The following R3HDM1 variants were observed in gnomAD, a reference collection of about 807,000 sequenced individuals.
The protein encoded by R3HDM1 is R3H domain containing 1.
A neutral mutation model predicts 141.1 loss-of-function variants in R3HDM1; 46 were observed. The observed-to-expected ratio is 0.33, with a 90% CI of 0.26 to 0.42. R3HDM1 has a LOEUF of 0.42. Ranked by LOEUF, R3HDM1 falls within the 10% of genes least tolerant of loss-of-function variation. The pLI, the probability that R3HDM1 is intolerant of heterozygous loss-of-function variation, is 1.00. For missense variants in R3HDM1, 1,184 were observed against 1,368.3 expected (o/e 0.87, Z 2.12); for synonymous variants, 435 against 472.9 (o/e 0.92, Z 1.04).
At chr2:135,721,552 CA>C (rs2076698479) in intron 24 of R3HDM1, 1 of 183,308 alleles carries the variant, frequency 5.5e-6, no homozygotes, top group Non-Finnish European at 1.2e-5. Flanking sequence ...TTATTTTGAA[CA>C]ATTAGAAAAC....
chr2:135,593,850 A>G (rs1054141112), intron 1 of R3HDM1, among the ~76,000 whole-genome samples: 2 of 152,070 alleles, frequency 1.3e-5, no homozygotes, highest in Non-Finnish European at 2.9e-5. Flanking sequence ...CCTCCCAAGT[A>G]GTGGGATTAC....
chr2:135,553,427 T>A, intron 1 of R3HDM1, among the ~76,000 whole-genome samples: 1 of 152,040 alleles, frequency 6.6e-6, no homozygotes, highest in East Asian at 1.9e-4. Context: ...AGATTAGCAA[T>A]AATAATGTTT....
At chr2:135,719,090 G>A (rs1269040958) in intron 24 of R3HDM1, among the ~76,000 whole-genome samples, 1 of 152,142 alleles carries the variant, frequency 6.6e-6, no homozygotes, top group Non-Finnish European at 1.5e-5. Context: ...AAAGGTTGCA[G>A]TGAGCCAAGA....
intron 18 of R3HDM1, among the ~76,000 whole-genome samples, chr2:135,653,284 A>C (rs933254622): frequency 1.3e-5 from 2 of 152,164 alleles, no homozygotes; most frequent in Admixed American, 6.5e-5. Flanking sequence ...TGAACCTGGC[A>C]CATGCAGCTT....
At chr2:135,667,076 T>C (rs1315372006) in intron 19 of R3HDM1, 1 of 892,624 alleles carries the variant, frequency 1.1e-6, no homozygotes, top group East Asian at 1.2e-4. Context: ...TCTGATTATT[T>C]CTGTGTTATT....
At chr2:135,579,468 G>T (rs1706254381) in intron 1 of R3HDM1, among the ~76,000 whole-genome samples, 1 of 151,976 alleles carries the variant, frequency 6.6e-6, no homozygotes, top group Non-Finnish European at 1.5e-5. Context: ...GATAAATATT[G>T]CATGCAAGAA....
rs116967496 is a variant in R3HDM1 at position 135,713,083 on chromosome 2, C to T, written c.2737-2467C>T. Among the ~76,000 whole-genome samples the T allele has an allele frequency of 3.0e-4, 45 of 151,896 alleles. 1 individual carries two copies. In the East Asian group the frequency reaches 8.5e-3, roughly 29 times the overall value. ...CAGGTGTGGTGGTATACACCTGTAG[C>T]GCTAGTTACTTGGGAGGCTGAACCA... On this transcript the variant is annotated intron_variant, in intron 23 of 26. Transcript: ENST00000683871.
At chr2:135,686,822 G>C (rs1267727238) in intron 21 of R3HDM1, among the ~76,000 whole-genome samples, 1 of 152,190 alleles carries the variant, frequency 6.6e-6, no homozygotes, top group East Asian at 1.9e-4. Flanking sequence ...TAACAATGTT[G>C]ATGAACCTTG....
intron 24 of R3HDM1, among the ~76,000 whole-genome samples, chr2:135,718,699 C>G (rs2076399847): frequency 6.6e-6 from 1 of 152,102 alleles, no homozygotes; most frequent in Non-Finnish European, 1.5e-5. Flanking sequence ...CCAGGCTAGT[C>G]TCGAACTCCT....
intron 1 of R3HDM1, among the ~76,000 whole-genome samples, chr2:135,571,330 T>G (rs1398114217): frequency 6.6e-6 from 1 of 152,086 alleles, no homozygotes; most frequent in Non-Finnish European, 1.5e-5. Context: ...AATTATTCAT[T>G]TATTTATTTT....
intron 1 of R3HDM1, among the ~76,000 whole-genome samples, chr2:135,548,291 T>G (rs1400917167): frequency 6.6e-6 from 1 of 152,236 alleles, no homozygotes; most frequent in Non-Finnish European, 1.5e-5. Context: ...TTGCTCTTTT[T>G]GCTTTCTGCC....
intron 7 of R3HDM1, among the ~76,000 whole-genome samples, chr2:135,625,379 A>C (rs1276706560): frequency 6.6e-6 from 1 of 152,134 alleles, no homozygotes; most frequent in Non-Finnish European, 1.5e-5. Context: ...TGGAAGGCAG[A>C]GGTTGCAGTG....
At chr2:135,598,244 C>T (rs1381716359) in intron 1 of R3HDM1, among the ~76,000 whole-genome samples, 1 of 152,050 alleles carries the variant, frequency 6.6e-6, no homozygotes, top group Non-Finnish European at 1.5e-5. Flanking sequence ...TCATCACAGG[C>T]GATAGGAGGA....
intron 1 of R3HDM1, among the ~76,000 whole-genome samples, chr2:135,561,824 T>C (rs1701859834): frequency 6.6e-6 from 1 of 152,152 alleles, no homozygotes; most frequent in African/African-American, 2.4e-5. Context: ...TAAGAAGATT[T>C]GACCCAGTTC....
intron 1 of R3HDM1, chr2:135,568,690 T>A (rs1445491210): frequency 6.6e-6 from 1 of 152,202 alleles, no homozygotes; most frequent in Non-Finnish European, 1.5e-5. Context: ...GAGTTAGTAT[T>A]CATACAAGTT....
chr2:135,584,003 T>G, intron 1 of R3HDM1: 1 of 985,374 alleles, frequency 1.0e-6, no homozygotes, highest in Non-Finnish European at 1.2e-6. Context: ...AGCACAAAAT[T>G]TAAGGTGCAA....
At chr2:135,565,867 A>G (rs1390483902) in intron 1 of R3HDM1, 1 of 152,752 alleles carries the variant, frequency 6.5e-6, no homozygotes, top group Admixed American at 6.5e-5. Context: ...AGACAGTTTG[A>G]GAGAGAAAGT....
intron 19 of R3HDM1, among the ~76,000 whole-genome samples, chr2:135,672,227 GT>G (rs1574909264): frequency 6.6e-6 from 1 of 152,152 alleles, no homozygotes. Context: ...AGATATTAGT[GT>G]TTTTTCTCCT....
intron 18 of R3HDM1, among the ~76,000 whole-genome samples, chr2:135,657,179 G>T (rs971730563): frequency 6.6e-5 from 10 of 151,788 alleles, no homozygotes; most frequent in African/African-American, 2.4e-4. Context: ...GAGATGTACG[G>T]ATCACTTGAG....
Sources: gnomAD v4.1 joint callset for allele counts (sites outside exome capture counted in the v4.1 genomes callset) on GRCh38, gnomAD v4.1.1 for gene constraint, MANE v1.5 for transcripts, NCBI Gene and HGNC (gene_info 2026-07-23, HGNC 2026-07-21) for gene names.